KLHL1: variants seen among roughly 807,000 people sequenced by gnomAD.
KLHL1 encodes the protein kelch-like protein 1.
KLHL1 carries 47 observed loss-of-function variants against 77.7 expected under a neutral mutation model. That is an observed-to-expected ratio of 0.60 (90% CI 0.48 to 0.77). KLHL1 has a LOEUF of 0.77. Among genes scored for constraint, KLHL1 ranks in the 30% least tolerant of loss-of-function variants. KLHL1 has a pLI of 0.00. For synonymous variants in KLHL1, 360 were observed against 325.2 expected (o/e 1.11, Z -1.15); for missense variants, 925 against 910.8 (o/e 1.02, Z -0.20).
chr13:70,058,612 A>G (rs1380157486), intron 1 of KLHL1, among the ~76,000 whole-genome samples: 1 of 152,192 alleles, frequency 6.6e-6, no homozygotes, highest in Non-Finnish European at 1.5e-5. Flanking sequence ...CATGGATTGG[A>G]AGAATTAATA....
chr13:70,006,350 T>C (rs2501247), intron 1 of KLHL1, among the ~76,000 whole-genome samples: 15,647 of 152,000 alleles, frequency 0.1, 872 homozygotes, highest in African/African-American at 0.12. Context: ...TTTTATTCTG[T>C]TATTGAATTT....
At chr13:69,755,172 G>T (rs1463876241) in intron 7 of KLHL1, among the ~76,000 whole-genome samples, 1 of 151,954 alleles carries the variant, frequency 6.6e-6, no homozygotes, top group Non-Finnish European at 1.5e-5. Flanking sequence ...GTGAGTTCTA[G>T]CTCCTTGAGT....
Position 69,935,235 on chromosome 13 carries a change from CACTGGTGAACTTGGTACATAGTTCACCT to C in KLHL1, c.1014+4777_1014+4804del, listed in dbSNP as rs137980259. Among the ~76,000 whole-genome samples, 475 of 137,086 alleles carry C rather than the reference CACTGGTGAACTTGGTACATAGTTCACCT, an allele frequency of 3.5e-3. 3 individuals are homozygous for C. The highest frequency in any genetic ancestry group is 0.014 in the African/African-American group (449 of 33,138). 89.9% of individuals were successfully genotyped at this position (137,086 alleles called of 152,430 possible). On this transcript the variant is annotated intron_variant, in intron 4 of 10. Coordinates refer to ENST00000377844, the MANE Select transcript of KLHL1 (RefSeq NM_020866.3). ...TGGTGAACTTGGTACATAGTTCACC[CACTGGTGAACTTGGTACATAGTTCACCT>C]ACTGGTGAACTTGGTACATAGCAGT... is the stretch of plus-strand genomic sequence containing the variant.
intron 4 of KLHL1, among the ~76,000 whole-genome samples, chr13:69,885,825 A>C (rs1274627200): frequency 6.6e-6 from 1 of 152,358 alleles, no homozygotes; most frequent in South Asian, 2.1e-4. Flanking sequence ...ACGTAGAAAA[A>C]GTGCAATTAT....
chr13:70,012,058 C>T (rs1566497115), intron 1 of KLHL1, among the ~76,000 whole-genome samples: 1 of 152,032 alleles, frequency 6.6e-6, no homozygotes, highest in Non-Finnish European at 1.5e-5. Context: ...TATTCACTAT[C>T]ACAAAAACAG....
chr13:69,956,102 T>C (rs1308583369), intron 3 of KLHL1, among the ~76,000 whole-genome samples: 2 of 133,610 alleles, frequency 1.5e-5, no homozygotes, highest in Non-Finnish European at 3.1e-5. Flanking sequence ...ATTTGATATA[T>C]ATATTTATAT....
chr13:70,093,577 GA>G (rs1436950210), intron 1 of KLHL1, among the ~76,000 whole-genome samples: 3 of 151,888 alleles, frequency 2.0e-5, no homozygotes, highest in African/African-American at 4.8e-5. Flanking sequence ...CTAATCATAA[GA>G]AAAATATATT....
chr13:69,861,785 TA>T (rs34408474), intron 5 of KLHL1, among the ~76,000 whole-genome samples: 135 of 86,008 alleles, frequency 1.6e-3, no homozygotes, highest in South Asian at 8.6e-3. Context: ...CCGTCTCTAC[TA>T]AAAAAAAAAA....
chr13:69,780,493 T>C (rs1344413369), intron 7 of KLHL1, among the ~76,000 whole-genome samples: 1 of 151,680 alleles, frequency 6.6e-6, no homozygotes, highest in Non-Finnish European at 1.5e-5. Flanking sequence ...CAAGTACTCC[T>C]TTCAAGACAA....
rs542029297 is a variant in KLHL1, at chr13:69,948,171, G to A, written c.818-7935C>T. On this transcript the variant is annotated intron_variant, in intron 3 of 10. Coordinates refer to ENST00000377844, the MANE Select transcript of KLHL1 (RefSeq NM_020866.3). Reference sequence around the variant, plus strand: ...TGTCTCCAGAGTTAATTAATGAGACGGTCAACACATCATAAGGAAACAGGC... The same window carrying A: ...TGTCTCCAGAGTTAATTAATGAGACAGTCAACACATCATAAGGAAACAGGC... Among the ~76,000 whole-genome samples the A allele has an allele frequency of 8.5e-5, 13 of 152,118 alleles. 1 individual carries two copies. In the South Asian group the frequency reaches 1.0e-3, roughly 12 times the overall value.
chr13:69,806,739 G>A (rs1433220999), intron 6 of KLHL1, among the ~76,000 whole-genome samples: 4 of 152,118 alleles, frequency 2.6e-5, no homozygotes, highest in Admixed American at 2.0e-4. Context: ...CTCCAGAAAG[G>A]CAACCCACAC....
At chr13:69,877,036 CA>C (rs530846862) in intron 5 of KLHL1, among the ~76,000 whole-genome samples, 57 of 141,744 alleles carry the variant, frequency 4.0e-4, no homozygotes, top group South Asian at 4.4e-4. Context: ...TAACTCTGTC[CA>C]AAAAAAAAAA....
chr13:69,839,205 G>A (rs1193669413), intron 5 of KLHL1, 43 bp from the exon 6 acceptor site: 2 of 1,318,964 alleles, frequency 1.5e-6, no homozygotes, highest in Admixed American at 2.2e-5. Context: ...TTTTCAAAGA[G>A]ATGAACATTA....
chr13:69,857,091 TCTC>T (rs1473994673), intron 5 of KLHL1, among the ~76,000 whole-genome samples: 1 of 152,058 alleles, frequency 6.6e-6, no homozygotes, highest in African/African-American at 2.4e-5. Context: ...CCGTTTTTTG[TCTC>T]CTAATTCTTA....
intron 1 of KLHL1, among the ~76,000 whole-genome samples, chr13:70,093,598 A>C (rs2137445021): frequency 6.6e-6 from 1 of 152,236 alleles, no homozygotes; most frequent in South Asian, 2.1e-4. Context: ...TTATAGAAAT[A>C]TTTTGACACA....
chr13:69,900,081 T>G (rs2138224697), intron 4 of KLHL1, among the ~76,000 whole-genome samples: 1 of 152,250 alleles, frequency 6.6e-6, no homozygotes, highest in African/African-American at 2.4e-5. Context: ...ATAGGTCTCC[T>G]TCAACCTTGG....
chr13:69,712,643 C>T (rs1220290695), intron 9 of KLHL1, among the ~76,000 whole-genome samples: 1 of 151,566 alleles, frequency 6.6e-6, no homozygotes, highest in East Asian at 1.9e-4. Context: ...ACCCTTTTCA[C>T]TTTTATTTAA....
chr13:70,052,337 GA>G (rs373950156), intron 1 of KLHL1, among the ~76,000 whole-genome samples: 5 of 149,634 alleles, frequency 3.3e-5, no homozygotes, highest in South Asian at 4.2e-4. Context: ...TGATGAGAAA[GA>G]AAAAAAAATA....
chr13:70,091,188 C>A (rs1887665285), intron 1 of KLHL1, among the ~76,000 whole-genome samples: 1 of 151,952 alleles, frequency 6.6e-6, no homozygotes, highest in Non-Finnish European at 1.5e-5. Flanking sequence ...ATCTTGTGAT[C>A]TTTTGGGGTT....
Sources: allele counts gnomAD v4.1 joint callset (sites outside exome capture counted in the v4.1 genomes callset), GRCh38; gene constraint gnomAD v4.1.1; transcripts MANE v1.5; gene names NCBI Gene and HGNC (gene_info 2026-07-23, HGNC 2026-07-21).